Variants in TMEM39B observed in about 807,000 individuals in gnomAD.
TMEM39B encodes the protein transmembrane protein 39B.
In TMEM39B, 23 loss-of-function variants were observed where a neutral mutation model predicts 52.2. The observed-to-expected ratio is 0.44, with a 90% confidence interval of 0.32 to 0.62. TMEM39B has a LOEUF of 0.62. Among genes scored for constraint, TMEM39B ranks in the 20% least tolerant of loss-of-function variants. The pLI, the probability that TMEM39B is intolerant of heterozygous loss-of-function variation, is 0.06. For synonymous variants in TMEM39B, 285 were observed against 264.0 expected, an observed-to-expected ratio of 1.08 and a Z score of -0.77; for missense variants, 547 against 642.0, an observed-to-expected ratio of 0.85 and a Z score of 1.60.
At chr1:32,091,476 C>T (rs1640598634) in intron 5 of TMEM39B, among the ~76,000 whole-genome samples, 199 bp from the exon 6 acceptor site, 1 of 152,194 alleles carries the variant, frequency 6.6e-6, no homozygotes, top group Non-Finnish European at 1.5e-5. Flanking sequence ...TAGTGCTTGG[C>T]ACGTACCGAG....
chr1:32,086,401 T>C (rs1640352020), intron 5 of TMEM39B, among the ~76,000 whole-genome samples: 1 of 152,036 alleles, frequency 6.6e-6, no homozygotes, highest in Non-Finnish European at 1.5e-5. Context: ...GCACATGAAA[T>C]AGGGTAGTCT....
intron 4 of TMEM39B, 126 bp from the exon 5 acceptor site, chr1:32,077,038 G>T: frequency 1.4e-6 from 2 of 1,408,314 alleles, no homozygotes; most frequent in Non-Finnish European, 9.8e-7. Context: ...ACCTTGCCAG[G>T]TTCTGCCCAG....
chr1:32,072,975 C>T lies in TMEM39B; in HGVS notation c.-73C>T. ...CTGGGCTGCGGCGGTTAGTCCTCTC[C>T]CGGCCGCCGTCGCCTCCGACATATT... On this transcript the variant is annotated 5_prime_UTR_variant, in exon 1 of 9. Transcript: ENST00000336294. 2 of 1,526,608 alleles carry T rather than the reference C, an allele frequency of 1.3e-6. No homozygotes were observed. Among genetic ancestry groups the T allele is most frequent in the Non-Finnish European group, 8.8e-7 (1 of 1,135,484 alleles). The allele number at this position is 1,526,608 out of a possible 1,614,324, so 94.6% of individuals were successfully genotyped here.
chr1:32,079,190 T>C (rs1189729249), intron 5 of TMEM39B, among the ~76,000 whole-genome samples: 1 of 149,312 alleles, frequency 6.7e-6, no homozygotes, highest in Non-Finnish European at 1.5e-5. Flanking sequence ...TCTTTCTTTT[T>C]TTTTTTTTTT....
At chr1:32,102,024 C>G (rs534562432) in intron 8 of TMEM39B, among the ~76,000 whole-genome samples, 166 of 152,158 alleles carry the variant, frequency 1.1e-3, no homozygotes, top group Non-Finnish European at 1.9e-3. Context: ...CAGCAATACC[C>G]AGGAGATGAC....
chr1:32,075,006 G>T lies in TMEM39B; in HGVS notation c.60G>T (p.Pro20=), dbSNP rs974328041. The change falls in exon 2 of 9, where the codon CCG becomes CCT. Residue 20 remains proline (P), a synonymous_variant. Coordinates refer to ENST00000336294, the MANE Select transcript of TMEM39B (RefSeq NM_018056.4). ...ACTGTCGAAATCCGCTCTGTGAGCCGGGATCCTCGGGGGGCTCTAGTGGAA... is the reference window on the plus strand; with the variant it reads ...ACTGTCGAAATCCGCTCTGTGAGCCTGGATCCTCGGGGGGCTCTAGTGGAA... ...TSYCRNPLCE[P]GSSGGSSGSH... The T allele has an allele frequency of 1.2e-5, 18 of 1,551,424 alleles. No homozygotes were observed. The highest frequency in any genetic ancestry group is 1.4e-5 in the Non-Finnish European group (16 of 1,146,960).
rs1457183280 is a variant in TMEM39B, at chr1:32,076,746, C to T, written c.352-17C>T. On this transcript the variant is annotated splice_polypyrimidine_tract_variant and intron_variant, in intron 3 of 8. Coordinates refer to ENST00000336294, the MANE Select transcript of TMEM39B (RefSeq NM_018056.4). ...GCAAGGGGCCCACATGACCCCCAGG[C>T]CTCTGCCCCCTGACAGAACTTCCAT... 3.7e-6 allele frequency: 6 copies of T among 1,613,888 alleles called. No individual in the cohort carries two copies. The highest frequency in any genetic ancestry group is 4.5e-5 in the East Asian group (2 of 44,866).
At chr1:32,093,744 G>A (rs1420917183) in intron 6 of TMEM39B, among the ~76,000 whole-genome samples, 3 of 151,540 alleles carry the variant, frequency 2.0e-5, no homozygotes, top group Admixed American at 6.6e-5. Flanking sequence ...TAACACGCCT[G>A]GAGCTTTCAT....
chr1:32,086,678 G>A (rs1446953822), intron 5 of TMEM39B, among the ~76,000 whole-genome samples: 1 of 152,010 alleles, frequency 6.6e-6, no homozygotes, highest in Non-Finnish European at 1.5e-5. Context: ...GAGGTGGGAG[G>A]ATGGCTTGAG....
intron 1 of TMEM39B, chr1:32,073,471 G>T: frequency 1.1e-6 from 1 of 904,478 alleles, no homozygotes; most frequent in Non-Finnish European, 1.4e-6. Flanking sequence ...GCCCATTCTG[G>T]AGTGGGGCTT....
At chr1:32,099,312 A>G (rs1427614160) in intron 7 of TMEM39B, among the ~76,000 whole-genome samples, 1 of 149,052 alleles carries the variant, frequency 6.7e-6, no homozygotes, top group Non-Finnish European at 1.5e-5. Flanking sequence ...ATACACCAGG[A>G]CCTGTGGTGG....
In TMEM39B at chr1:32,085,744, C is replaced by G. The variant is rs375786911; in HGVS notation, c.591-5931C>G. On this transcript the variant is annotated intron_variant, in intron 5 of 8. Transcript: ENST00000336294. ...CCAGCCTGGGCAACAGAGCGAGACT[C>G]TGTCTCAAAAAAAAAAAAAAAATTC... Among the ~76,000 whole-genome samples, 23 of 145,912 alleles carry G rather than the reference C, an allele frequency of 1.6e-4. No homozygotes were observed. The East Asian group carries it at 4.1e-3, about 26-fold the overall frequency.
intron 7 of TMEM39B, among the ~76,000 whole-genome samples, chr1:32,097,223 C>G (rs1049967444): frequency 1.3e-5 from 2 of 152,082 alleles, no homozygotes; most frequent in African/African-American, 4.8e-5. Context: ...CCTCATGGCC[C>G]TTCCCAGTGA....
chr1:32,083,409 CTTTTTTTTTTTTTTTTTT>C (rs1052027069), intron 5 of TMEM39B, among the ~76,000 whole-genome samples: 1 of 54,626 alleles, frequency 1.8e-5, no homozygotes, highest in Non-Finnish European at 3.4e-5. Flanking sequence ...TAAAGGACTT[CTTTTTTTTTTTTTTTTTT>C]TTTTTTTTTT....
At chr1:32,099,641 C>T (rs545945281) in intron 7 of TMEM39B, among the ~76,000 whole-genome samples, 9 of 152,056 alleles carry the variant, frequency 5.9e-5, no homozygotes, top group African/African-American at 2.2e-4. Flanking sequence ...GCTGGAGGAA[C>T]GAGAAACAGC....
intron 6 of TMEM39B, among the ~76,000 whole-genome samples, chr1:32,093,954 G>A (rs574235066): frequency 6.6e-6 from 1 of 151,548 alleles, no homozygotes. Flanking sequence ...GAGTAGCTGG[G>A]ACTACAGGCG....
At chr1:32,088,902 T>C (rs1640490772) in intron 5 of TMEM39B, among the ~76,000 whole-genome samples, 1 of 152,042 alleles carries the variant, frequency 6.6e-6, no homozygotes, top group African/African-American at 2.4e-5. Flanking sequence ...ATCACTGGCC[T>C]CTTCCTTTTC....
rs744455 is a variant in TMEM39B, at chr1:32,091,885, A to G, written c.801A>G (p.Ser267=). ...TGCCCACCCATGCCTGCTGCCTGTC[A>G]CCCAGCCTCATCCGCAGTGAGGTGG... ...DAMPTHACCL[S]PSLIRSEVEF... The change falls in exon 6 of 9, where the codon TCA becomes TCG. Residue 267 remains serine, a synonymous_variant. Transcript: ENST00000336294. The G allele has an allele frequency of 0.092, 148,555 of 1,613,986 alleles. 10,257 individuals carry two copies. Among genetic ancestry groups the G allele is most frequent in the African/African-American group, 0.27 (19,871 of 74,980 alleles).
chr1:32,077,277 C>G lies in TMEM39B; in HGVS notation c.549C>G (p.Phe183Leu). 1 of 1,614,198 alleles carries G rather than the reference C, an allele frequency of 6.2e-7. No homozygotes were observed. The highest frequency in any genetic ancestry group is 8.5e-7 in the Non-Finnish European group (1 of 1,180,032). The change falls in exon 5 of 9, where the codon TTC becomes TTG. Residue 183 changes from phenylalanine to leucine, a missense_variant. Transcript: ENST00000336294. ...WSLCRSLIHLFRTYSFLNLLF... is the reference protein window; with the variant it reads ...WSLCRSLIHLLRTYSFLNLLF... ...TGTGCCGATCCCTCATCCACCTCTT[C>G]AGGACCTACTCCTTCCTGAACCTCC...
Sources: gnomAD v4.1 joint callset for allele counts (sites outside exome capture counted in the v4.1 genomes callset) on GRCh38, gnomAD v4.1.1 for gene constraint, MANE v1.5 for transcripts, NCBI Gene and HGNC (gene_info 2026-07-23, HGNC 2026-07-21) for gene names.